CSF2RA: variants seen among roughly 807,000 people sequenced by gnomAD.
CSF2RA encodes the protein granulocyte-macrophage colony-stimulating factor receptor subunit alpha.
In CSF2RA, 42 loss-of-function variants were observed where a neutral mutation model predicts 51.6. The observed-to-expected ratio is 0.81, with a 90% CI of 0.64 to 1.05. CSF2RA has a LOEUF of 1.05. CSF2RA is among the 50% of genes least tolerant of loss of function. The probability of loss-of-function intolerance (pLI) is 0.00; values close to 1 mark genes in which losing one functional copy is unlikely to be tolerated. For missense variants in CSF2RA, 530 were observed against 501.1 expected, an observed-to-expected ratio of 1.06 and a Z score of -0.55; for synonymous variants, 222 against 193.0, an observed-to-expected ratio of 1.15 and a Z score of -1.24.
downstream of CSF2RA, among the ~76,000 whole-genome samples, chrX:1,311,594 C>T (rs1484263854): frequency 5.3e-5 from 8 of 151,760 alleles, no homozygotes; most frequent in Admixed American, 2.0e-4. Flanking sequence ...CCACCATTCC[C>T]GGCTACTTTT....
rs1342972235 is a variant in CSF2RA, at chrX:1,276,547, T to G, written c.-27+1729T>G. 2.0e-5 allele frequency among the ~76,000 whole-genome samples: 3 copies of G among 151,174 alleles called. No homozygotes were observed. The Admixed American group carries it at 2.0e-4, about 10-fold the overall frequency. On this transcript the variant is annotated intron_variant, in intron 2 of 12. Transcript: ENST00000381529. Reference sequence around the variant, plus strand: ...CGCCATCACACCCGGCTAGTATTTGTATTTTTAGTAGAGAGAGGGTTTCAC... The same window carrying G: ...CGCCATCACACCCGGCTAGTATTTGGATTTTTAGTAGAGAGAGGGTTTCAC...
At chrX:1,277,527 C>T (rs755233532) in intron 2 of CSF2RA, among the ~76,000 whole-genome samples, 12 of 125,182 alleles carry the variant, frequency 9.6e-5, no homozygotes, top group African/African-American at 3.0e-4. Flanking sequence ...ACCCGGGAGG[C>T]GATGCTTGCA....
At chrX:1,295,988 C>T (rs73177335) in intron 9 of CSF2RA, among the ~76,000 whole-genome samples, 42,105 of 141,602 alleles carry the variant, frequency 0.3, 6,947 homozygotes, top group African/African-American at 0.37. Context: ...TCACGACCCC[C>T]GGAGTAATCC....
chrX:1,305,007 T>C (rs1369373817), intron 11 of CSF2RA, among the ~76,000 whole-genome samples: 1 of 146,312 alleles, frequency 6.8e-6, no homozygotes. Flanking sequence ...TTTTTTTGTT[T>C]TTTTGAGATG....
At chrX:1,313,917 G>C (rs111961987), downstream of CSF2RA, among the ~76,000 whole-genome samples, 26,366 of 151,868 alleles carry the variant, frequency 0.17, 3,233 homozygotes, top group East Asian at 0.44. Context: ...CTTGAACCTG[G>C]GAGGCAGAGG....
the CSF2RA span, among the ~76,000 whole-genome samples, chrX:1,318,422 C>A: frequency 6.6e-6 from 1 of 151,722 alleles, no homozygotes; most frequent in African/African-American, 2.4e-5. Context: ...CTCGGCCTCC[C>A]AAAGTGCTGG....
chrX:1,319,940 G>A, the CSF2RA span, among the ~76,000 whole-genome samples: 1 of 148,854 alleles, frequency 6.7e-6, no homozygotes, highest in East Asian at 2.0e-4. Context: ...CTGTCCCCCA[G>A]GCCAGAGTGC....
intron 4 of CSF2RA, among the ~76,000 whole-genome samples, chrX:1,287,519 C>T (rs1215369858): frequency 1.3e-5 from 2 of 150,420 alleles, no homozygotes; most frequent in Non-Finnish European, 3.0e-5. Context: ...TCTCAGCTCC[C>T]TGCAACCTGT....
rs1238935122 is a variant in CSF2RA, at chrX:1,309,762, C to T, written c.*283C>T. ...ATTTACCCAGGCACGGCGGCGGACG[C>T]CCATCATCCCAGCTACTTGGGAGGC... On this transcript the variant is annotated 3_prime_UTR_variant, in exon 13 of 13. Transcript: ENST00000381529. 7.5e-6 allele frequency: 5 copies of T among 665,376 alleles called. No homozygotes were observed. Among genetic ancestry groups the T allele is most frequent in the Non-Finnish European group, 1.3e-5 (5 of 375,338 alleles). The allele number at this position is 665,376 out of a possible 1,614,324, so 41.2% of individuals were successfully genotyped here.
the CSF2RA span, among the ~76,000 whole-genome samples, chrX:1,318,312 C>T: frequency 1.2e-3 from 176 of 151,916 alleles, 1 homozygote; most frequent in Non-Finnish European, 2.9e-4. Context: ...TACAGGCATA[C>T]GCCACCACAC....
chrX:1,296,078 C>G (rs1294238320), intron 9 of CSF2RA, among the ~76,000 whole-genome samples: 3 of 151,112 alleles, frequency 2.0e-5, no homozygotes, highest in Admixed American at 2.0e-4. Flanking sequence ...CCCATGAGCC[C>G]TGGCATAACC....
chrX:1,294,824 AGATAGGAG>A (rs2148489532), intron 8 of CSF2RA, among the ~76,000 whole-genome samples: 1 of 151,510 alleles, frequency 6.6e-6, no homozygotes, highest in Non-Finnish European at 1.5e-5. Context: ...GACCCAGTGT[AGATAGGAG>A]GACACCCGAC....
the CSF2RA span, among the ~76,000 whole-genome samples, chrX:1,324,559 GAAAA>G: frequency 8.4e-5 from 12 of 142,920 alleles, no homozygotes; most frequent in African/African-American, 2.6e-4. Context: ...AGAAAGGAAA[GAAAA>G]GAAGGAAGGA....
intron 1 of CSF2RA, 58 bp downstream of exon 1, chrX:1,268,937 G>A: frequency 2.2e-6 from 1 of 453,220 alleles, no homozygotes; most frequent in South Asian, 1.6e-5. Context: ...CCGGGTACAT[G>A]TTTCTGCTGT....
the CSF2RA span, among the ~76,000 whole-genome samples, chrX:1,318,092 G>A: frequency 3.2e-4 from 47 of 144,886 alleles, no homozygotes; most frequent in Middle Eastern, 7.3e-3. Flanking sequence ...GGGTTCAAGC[G>A]ATTCTCCTGT....
chrX:1,280,904 GCTCCTT>G (rs2089866466), intron 2 of CSF2RA, among the ~76,000 whole-genome samples: 2 of 26,982 alleles, frequency 7.4e-5, no homozygotes, highest in Non-Finnish European at 1.3e-4. Flanking sequence ...TCCTCCTCCT[GCTCCTT>G]CTCCTCCTCC....
At chrX:1,287,947 G>C (rs1398033695) in intron 4 of CSF2RA, among the ~76,000 whole-genome samples, 36 of 148,710 alleles carry the variant, frequency 2.4e-4, no homozygotes, top group Admixed American at 2.4e-3. Context: ...ATGTTGGCCA[G>C]GCTGGTCTTG....
At chrX:1,301,771 T>C (rs2082966147) in intron 10 of CSF2RA, among the ~76,000 whole-genome samples, 1 of 149,966 alleles carries the variant, frequency 6.7e-6, no homozygotes, top group African/African-American at 2.4e-5. Context: ...TAATTTTTTG[T>C]ATTTTTTTTT....
chrX:1,311,169 A>T (rs771654242), downstream of CSF2RA, among the ~76,000 whole-genome samples: 88 of 151,644 alleles, frequency 5.8e-4, 1 homozygote, highest in African/African-American at 1.9e-3. Context: ...GAATTGCTTG[A>T]ACCCGGGAGG....
Sources: allele counts gnomAD v4.1 joint callset (sites outside exome capture counted in the v4.1 genomes callset), GRCh38; gene constraint gnomAD v4.1.1; transcripts MANE v1.5; gene names NCBI Gene and HGNC (gene_info 2026-07-23, HGNC 2026-07-21).